The following STMN2 variants were observed in gnomAD, a reference collection of about 807,000 sequenced individuals.
The protein encoded by STMN2 is stathmin 2, also known as stathmin-2.
In STMN2, 2 loss-of-function variants were observed where a neutral mutation model predicts 24.1. The observed-to-expected ratio is 0.08, with a 90% CI of 0.03 to 0.26. STMN2 has a LOEUF of 0.26. Ranked by LOEUF, STMN2 falls within the 10% of genes least tolerant of loss-of-function variation. The pLI, the probability that STMN2 is intolerant of heterozygous loss-of-function variation, is 1.00. For synonymous variants in STMN2, 83 were observed against 77.5 expected (o/e 1.07, Z -0.37); for missense variants, 114 against 213.6 (o/e 0.53, Z 2.91).
intron 1 of STMN2, among the ~76,000 whole-genome samples, chr8:79,627,709 T>C (rs771030546): frequency 6.7e-6 from 1 of 148,700 alleles, no homozygotes; most frequent in South Asian, 2.1e-4. Flanking sequence ...ATATACTTAT[T>C]ATGAAATACA....
chr8:79,613,341 G>T, intron 1 of STMN2: 3 of 977,418 alleles, frequency 3.1e-6, no homozygotes, highest in Non-Finnish European at 3.6e-6. Context: ...GTGGAGCGCA[G>T]CCAGCCCTGC....
intron 1 of STMN2, among the ~76,000 whole-genome samples, chr8:79,627,357 T>C (rs1257748207): frequency 1.4e-4 from 22 of 152,204 alleles, no homozygotes; most frequent in Admixed American, 1.4e-3. Flanking sequence ...TTTTATTGGG[T>C]ATGTTTATGA....
At chr8:79,657,371 C>T (rs1014749968) in intron 4 of STMN2, among the ~76,000 whole-genome samples, 12 of 152,154 alleles carry the variant, frequency 7.9e-5, no homozygotes, top group African/African-American at 2.7e-4. Context: ...CTCCCCCATA[C>T]ATGCATACAT....
At chr8:79,643,713 C>T (rs1396021165) in intron 3 of STMN2, among the ~76,000 whole-genome samples, 2 of 152,098 alleles carry the variant, frequency 1.3e-5, no homozygotes, top group Non-Finnish European at 2.9e-5. Context: ...AGCTCCTGCA[C>T]CCTGACAGCA....
At chr8:79,617,651 C>A (rs372327478) in intron 1 of STMN2, among the ~76,000 whole-genome samples, 1 of 152,184 alleles carries the variant, frequency 6.6e-6, no homozygotes, top group African/African-American at 2.4e-5. Context: ...TTCTGGCAGT[C>A]GGGCAGGGCT....
intron 1 of STMN2, among the ~76,000 whole-genome samples, chr8:79,622,830 A>C (rs1419957356): frequency 1.3e-5 from 2 of 152,130 alleles, no homozygotes; most frequent in Non-Finnish European, 2.9e-5. Context: ...CAGGAAAAAG[A>C]ATTATATCAC....
intron 4 of STMN2, 127 bp from the exon 5 acceptor site, chr8:79,664,688 C>CT: frequency 1.5e-6 from 1 of 673,354 alleles, no homozygotes; most frequent in Non-Finnish European, 2.3e-6. Context: ...CCCATATTTT[C>CT]CTTCTGAAAT....
At chr8:79,635,627 C>CA (rs1469239005) in intron 1 of STMN2, among the ~76,000 whole-genome samples, 1 of 152,054 alleles carries the variant, frequency 6.6e-6, no homozygotes, top group Non-Finnish European at 1.5e-5. Context: ...CAGTTGGGAC[C>CA]CATAATCCTA....
At chr8:79,650,743 C>A (rs1207405356) in intron 3 of STMN2, among the ~76,000 whole-genome samples, 1 of 151,974 alleles carries the variant, frequency 6.6e-6, no homozygotes, top group South Asian at 2.1e-4. Flanking sequence ...AGGTAGATGC[C>A]CCCCTGGTTA....
rs377698969 is a variant in STMN2, at chr8:79,642,995, T to C, written c.288+1445T>C. Among the ~76,000 whole-genome samples the C allele has an allele frequency of 1.8e-4, 26 of 148,410 alleles. No homozygotes were observed. In the East Asian group the frequency reaches 5.1e-3, roughly 29 times the overall value. On this transcript the variant is annotated intron_variant, in intron 3 of 4. Coordinates refer to ENST00000220876, the MANE Select transcript of STMN2 (RefSeq NM_007029.4). ...TACATATACCAATTATAGATATAAA[T>C]ATAACAATGGTAACTGGTGTATATG...
chr8:79,613,583 A>G (rs1809304816), intron 1 of STMN2: 1 of 985,322 alleles, frequency 1.0e-6, no homozygotes, highest in Non-Finnish European at 1.2e-6. Context: ...CTGCAAACTC[A>G]TCGTCATCAT....
intron 1 of STMN2, among the ~76,000 whole-genome samples, chr8:79,630,897 G>C (rs1022445530): frequency 7.4e-6 from 1 of 135,030 alleles, no homozygotes; most frequent in Non-Finnish European, 1.6e-5. Context: ...GGAGCTTAGG[G>C]GGATAAAAAA....
chr8:79,634,629 G>C (rs1204363026), intron 1 of STMN2, among the ~76,000 whole-genome samples: 2 of 152,160 alleles, frequency 1.3e-5, no homozygotes, highest in African/African-American at 4.8e-5. Context: ...AATTTATCCA[G>C]AAGCTTCACC....
At chr8:79,614,566 G>A (rs926774843) in intron 1 of STMN2, among the ~76,000 whole-genome samples, 1 of 152,232 alleles carries the variant, frequency 6.6e-6, no homozygotes, top group Non-Finnish European at 1.5e-5. Context: ...TAGCTAGAAT[G>A]ATAGGATAAA....
intron 1 of STMN2, among the ~76,000 whole-genome samples, chr8:79,632,642 T>G (rs1233778375): frequency 6.6e-6 from 1 of 152,212 alleles, no homozygotes; most frequent in Non-Finnish European, 1.5e-5. Context: ...ATGACACATT[T>G]TCTCCCAAAG....
At chr8:79,642,469 A>G (rs1306004602) in intron 3 of STMN2, among the ~76,000 whole-genome samples, 1 of 152,176 alleles carries the variant, frequency 6.6e-6, no homozygotes, top group African/African-American at 2.4e-5. Flanking sequence ...AATATTTTTT[A>G]TGATATAATT....
intron 3 of STMN2, among the ~76,000 whole-genome samples, chr8:79,651,538 C>A (rs1480188031): frequency 6.6e-6 from 1 of 152,212 alleles, no homozygotes; most frequent in African/African-American, 2.4e-5. Flanking sequence ...GCTGTATTAC[C>A]TTGTAATTTC....
chr8:79,621,097 G>C, intron 1 of STMN2: 1 of 908,706 alleles, frequency 1.1e-6, no homozygotes, highest in Non-Finnish European at 1.3e-6. Context: ...AGTGCTGCTG[G>C]TGCTGCATGG....
chr8:79,645,690 TGTAA>T (rs1420494276), intron 3 of STMN2, among the ~76,000 whole-genome samples: 2 of 152,206 alleles, frequency 1.3e-5, no homozygotes, highest in Non-Finnish European at 2.9e-5. Context: ...TAGGATGTAC[TGTAA>T]GTAATAGGAT....
Sources: gnomAD v4.1 joint callset for allele counts (sites outside exome capture counted in the v4.1 genomes callset) on GRCh38, gnomAD v4.1.1 for gene constraint, MANE v1.5 for transcripts, NCBI Gene and HGNC (gene_info 2026-07-23, HGNC 2026-07-21) for gene names.